EFCAB6: variants seen among roughly 807,000 people sequenced by gnomAD.
EFCAB6 encodes EF-hand calcium binding domain 6.
Under a neutral mutation model 169.8 loss-of-function variants are expected in EFCAB6, and 156 were observed. The observed-to-expected ratio is 0.92, with a 90% CI of 0.81 to 1.05. The LOEUF is 1.05. Among genes scored for constraint, EFCAB6 ranks in the 50% least tolerant of loss-of-function variants. The pLI is 0.00. For synonymous variants in EFCAB6, 698 were observed against 676.4 expected (o/e 1.03, Z -0.50); for missense variants, 1,800 against 1,829.1 (o/e 0.98, Z 0.29).
At chr22:43,554,081 C>A (rs1042599096) in intron 27 of EFCAB6, 12 of 152,442 alleles carry the variant, frequency 7.9e-5, no homozygotes, top group Admixed American at 7.2e-4. Context: ...CTGTGACCCT[C>A]CAGGCGTGGG....
intron 30 of EFCAB6, chr22:43,533,503 TG>T (rs1318883195): frequency 6.6e-6 from 1 of 152,268 alleles, no homozygotes; most frequent in African/African-American, 2.4e-5. Flanking sequence ...GTTCCCATTC[TG>T]GGGTCTCCAG....
intron 23 of EFCAB6, among the ~76,000 whole-genome samples, chr22:43,593,447 C>T (rs928293637): frequency 4.6e-5 from 7 of 152,232 alleles, no homozygotes; most frequent in Admixed American, 6.5e-5. Context: ...GCAGGAAAGA[C>T]GAGAAGAGAA....
At chr22:43,786,473 G>A (rs1436183786) in intron 2 of EFCAB6, among the ~76,000 whole-genome samples, 1 of 152,152 alleles carries the variant, frequency 6.6e-6, no homozygotes, top group East Asian at 1.9e-4. Context: ...TGTAATCCCA[G>A]CACTTTGGGA....
At chr22:43,753,805 G>T (rs1040136929) in intron 6 of EFCAB6, among the ~76,000 whole-genome samples, 2 of 152,168 alleles carry the variant, frequency 1.3e-5, no homozygotes, top group African/African-American at 4.8e-5. Flanking sequence ...AAACATGCAT[G>T]AGCAGAGTCT....
chr22:43,604,775 T>C lies in EFCAB6; in HGVS notation c.2681+3707A>G, dbSNP rs1034758560. Reference sequence around the variant, plus strand: ...ACAGTCTCTTCTGTTTATATTTGAATACTGATATATAACTCACCTGCCATA... The same window carrying C: ...ACAGTCTCTTCTGTTTATATTTGAACACTGATATATAACTCACCTGCCATA... On this transcript the variant is annotated intron_variant, in intron 22 of 31. Transcript: ENST00000262726. Among the ~76,000 whole-genome samples the C allele has an allele frequency of 3.3e-5, 5 of 152,158 alleles. 1 individual carries two copies.
chr22:43,702,009 G>C (rs180845025), intron 10 of EFCAB6, among the ~76,000 whole-genome samples: 3 of 152,102 alleles, frequency 2.0e-5, no homozygotes, highest in Admixed American at 2.0e-4. Flanking sequence ...TTAACCAATG[G>C]GGGGGATGTG....
At chr22:43,768,363 C>T (rs1481225900) in intron 4 of EFCAB6, among the ~76,000 whole-genome samples, 1 of 152,152 alleles carries the variant, frequency 6.6e-6, no homozygotes, top group Admixed American at 6.5e-5. Context: ...AATTCTTTCC[C>T]AACTTTAAGG....
At chr22:43,624,330 G>C (rs554045623) in intron 20 of EFCAB6, among the ~76,000 whole-genome samples, 1 of 152,286 alleles carries the variant, frequency 6.6e-6, no homozygotes, top group East Asian at 1.9e-4. Context: ...CCAGGGTACA[G>C]AAGGATCTTT....
In EFCAB6 at chr22:43,773,075, G is replaced by C. The variant is rs8142862; in HGVS notation, c.168C>G (p.Ser56=). Residue 56 remains serine (S), a synonymous_variant, in exon 4 of 32, where the codon TCC becomes TCG. Transcript: ENST00000262726. The part of the protein sequence containing the change: ...STTAVANPTL[S]SLDVKRILFQ... Reference sequence around the variant, plus strand: ...ATAAAATCCGTTTAACATCTAAGGAGGACAGTGTTGGATTTGCAACAGCTG... The same window carrying C: ...ATAAAATCCGTTTAACATCTAAGGACGACAGTGTTGGATTTGCAACAGCTG... 1.2e-6 allele frequency: 2 copies of C among 1,614,068 alleles called. No homozygotes were observed. The highest frequency in any genetic ancestry group is 1.7e-6 in the Non-Finnish European group (2 of 1,180,048).
At chr22:43,626,372 G>T in intron 20 of EFCAB6, 75 bp downstream of exon 20, 1 of 1,405,932 alleles carries the variant, frequency 7.1e-7, no homozygotes, top group Non-Finnish European at 9.8e-7. Context: ...CTTTGCGGAC[G>T]CCATGGAAAT....
chr22:43,565,195 G>A (rs1395615994), intron 26 of EFCAB6, among the ~76,000 whole-genome samples: 1 of 152,254 alleles, frequency 6.6e-6, no homozygotes, highest in Non-Finnish European at 1.5e-5. Context: ...CATTGCCTTA[G>A]AAGACAGGCT....
intron 6 of EFCAB6, among the ~76,000 whole-genome samples, chr22:43,750,139 G>A (rs1265667629): frequency 6.6e-6 from 1 of 152,014 alleles, no homozygotes; most frequent in Non-Finnish European, 1.5e-5. Flanking sequence ...AAAAACCTTA[G>A]TCCGAAATAA....
intron 2 of EFCAB6, among the ~76,000 whole-genome samples, chr22:43,790,836 A>G (rs1301321359): frequency 6.6e-6 from 1 of 152,318 alleles, no homozygotes; most frequent in East Asian, 1.9e-4. Context: ...GTTTTTGTAA[A>G]AGTATTGAGA....
chr22:43,690,343 C>CAAAAAAAAAAAA (rs137802), intron 10 of EFCAB6, among the ~76,000 whole-genome samples: 12 of 95,780 alleles, frequency 1.3e-4, no homozygotes, highest in East Asian at 7.9e-4. Context: ...ACTAAAAATA[C>CAAAAAAAAAAAA]AAAAAAAAAA....
intron 2 of EFCAB6, among the ~76,000 whole-genome samples, chr22:43,798,383 C>T (rs1029780440): frequency 8.5e-5 from 13 of 152,074 alleles, no homozygotes; most frequent in African/African-American, 2.9e-4. Flanking sequence ...ATTGCTGACC[C>T]GTTCCCAGGA....
intron 10 of EFCAB6, among the ~76,000 whole-genome samples, chr22:43,689,355 ACACAC>A (rs2058322658): frequency 3.3e-5 from 5 of 151,026 alleles, no homozygotes; most frequent in Non-Finnish European, 7.4e-5. Context: ...ACGTGCACAC[ACACAC>A]ACACACACAC....
chr22:43,627,326 CA>C (rs1448617939), intron 19 of EFCAB6, among the ~76,000 whole-genome samples: 1 of 152,194 alleles, frequency 6.6e-6, no homozygotes, highest in Non-Finnish European at 1.5e-5. Flanking sequence ...ATGGAGCGTG[CA>C]CTCTGCAGGC....
Position 43,667,405 on chromosome 22 carries a change from G to C in EFCAB6, c.1815-133C>G, listed in dbSNP as rs2057312262. ...CATCCTCGGTTCACTAGCTGGGAAGGGTGGAGTGACTCAGGGGCTTCTTAC... is the reference window on the plus strand; with the variant it reads ...CATCCTCGGTTCACTAGCTGGGAAGCGTGGAGTGACTCAGGGGCTTCTTAC... On this transcript the variant is annotated intron_variant, in intron 16 of 31. Transcript: ENST00000262726. 9.4e-6 allele frequency: 11 copies of C among 1,165,970 alleles called. No individual in the cohort carries two copies. In the South Asian group the frequency reaches 1.6e-4, roughly 17 times the overall value. 72.2% of individuals were successfully genotyped at this position (1,165,970 alleles called of 1,614,324 possible).
intron 2 of EFCAB6, among the ~76,000 whole-genome samples, chr22:43,789,878 C>CAA (rs770719501): frequency 5.9e-5 from 9 of 151,756 alleles, no homozygotes; most frequent in Non-Finnish European, 1.3e-4. Flanking sequence ...CACACACACA[C>CAA]ACACAAAAGT....
Sources: gnomAD v4.1 joint callset for allele counts (sites outside exome capture counted in the v4.1 genomes callset) on GRCh38, gnomAD v4.1.1 for gene constraint, MANE v1.5 for transcripts, NCBI Gene and HGNC (gene_info 2026-07-23, HGNC 2026-07-21) for gene names.